The following CASP5 variants were observed in gnomAD, a reference collection of about 807,000 sequenced individuals.
CASP5 encodes the protein caspase 5.
CASP5 carries 42 observed loss-of-function variants against 45.2 expected under a neutral mutation model. The ratio of observed to expected loss-of-function variants is 0.93; its 90% confidence interval spans 0.73 to 1.20. The LOEUF is 1.20. Among genes scored for constraint, CASP5 ranks in the 50% most tolerant of loss-of-function variants. The pLI, the probability that CASP5 is intolerant of heterozygous loss-of-function variation, is 0.00. For missense variants in CASP5, 512 were observed against 532.2 expected (o/e 0.96, Z 0.37); for synonymous variants, 209 against 186.2 (o/e 1.12, Z -1.00).
At position 105,000,454 on chromosome 11, in the gene CASP5, C is replaced by T; in HGVS notation, c.759G>A (p.Glu253=). Residue 253 remains glutamate (E), a synonymous_variant, in exon 6 of 10, where the codon GAG becomes GAA. Transcript: ENST00000260315. ...SVLRAFAARP[E]HKSSDSTFLV... Reference sequence around the variant, plus strand: ...AGAACGTGCTGTCAGAGGACTTGTGCTCTGGTCTGGCAGCAAATGCCCTCA... The same window carrying T: ...AGAACGTGCTGTCAGAGGACTTGTGTTCTGGTCTGGCAGCAAATGCCCTCA... 1.2e-6 allele frequency: 2 copies of T among 1,614,162 alleles called. No homozygotes were observed. The highest frequency in any genetic ancestry group is 1.7e-6 in the Non-Finnish European group (2 of 1,180,020).
chr11:105,000,556 G>T (rs1027696867), intron 5 of CASP5, 61 bp from the exon 6 acceptor site: 34 of 1,453,410 alleles, frequency 2.3e-5, no homozygotes, highest in Non-Finnish European at 7.7e-6. Flanking sequence ...GGACCTCCTA[G>T]ATTTACCATG....
In CASP5 at chr11:105,000,491, A is replaced by G. The variant is rs1441661501; in HGVS notation, c.722T>C (p.Met241Thr). The G allele has an allele frequency of 1.9e-6, 3 of 1,613,948 alleles. No individual in the cohort carries two copies. In the South Asian group the frequency reaches 3.3e-5, roughly 18 times the overall value. The part of the protein sequence containing the change: ...VDEKNLTARD[M>T]ESVLRAFAAR... ...AGCAAATGCCCTCAGCACTGACTCC[A>G]TATCCTATAAAAGAGCAATGTCTAA... The change falls in exon 6 of 10, where the codon ATG (methionine) becomes ACG (threonine). Residue 241 changes from methionine to threonine, a missense_variant. Physicochemically the swap from Met to Thr is moderately conservative, Grantham distance 81. Transcript: ENST00000260315.
chr11:105,021,674 G>T (rs2134776588), intron 1 of CASP5, among the ~76,000 whole-genome samples: 1 of 147,656 alleles, frequency 6.8e-6, no homozygotes, highest in East Asian at 1.9e-4. Context: ...GTGCTGGAGA[G>T]GATGTGGAAA....
rs541362037 is a variant in CASP5 at position 105,007,183 on chromosome 11, C to T, written c.333G>A (p.Lys111=). 1 of 1,613,838 alleles carries T rather than the reference C, an allele frequency of 6.2e-7. No individual in the cohort carries two copies. The highest frequency in any genetic ancestry group is 2.2e-5 in the East Asian group (1 of 44,868). Residue 111 remains lysine, a synonymous_variant, in exon 3 of 10, where the codon AAG becomes AAA. Coordinates refer to ENST00000260315, the MANE Select transcript of CASP5 (RefSeq NM_004347.5). ...GCAAAGAGTCTACCAAGATCAGGGC[C>T]TTGTCTTCAATTTTGGTATCATAAT... ...KKYYDTKIED[K]ALILVDSLRK...
intron 1 of CASP5, among the ~76,000 whole-genome samples, chr11:105,009,716 C>CACATATATATATATATATATATAT (rs1565387557): frequency 2.1e-5 from 1 of 48,078 alleles, no homozygotes; most frequent in African/African-American, 1.1e-4. Flanking sequence ...TATATATATA[C>CACATATATATATATATATATATAT]ACACATATAT....
At chr11:105,009,756 TATACACACAC>T (rs1862198247) in intron 1 of CASP5, among the ~76,000 whole-genome samples, 1 of 93,250 alleles carries the variant, frequency 1.1e-5, no homozygotes, top group African/African-American at 4.3e-5. Context: ...TATATATATA[TATACACACAC>T]ACACGTATAT....
In CASP5 at chr11:105,002,123, C is replaced by T. The variant is rs766335133; in HGVS notation, c.622G>A (p.Ala208Thr). ...ICNTKFDHLP[A>T]RNGAHYDIVG... Reference sequence around the variant, plus strand: ...ATGTCATAGTGAGCCCCATTCCTTGCAGGCAGGTGATCAAACTTTGTATTG... The same window carrying T: ...ATGTCATAGTGAGCCCCATTCCTTGTAGGCAGGTGATCAAACTTTGTATTG... Residue 208 changes from alanine to threonine, a missense_variant, in exon 5 of 10, where the codon GCA becomes ACA. Transcript: ENST00000260315. 2.5e-6 allele frequency: 4 copies of T among 1,614,108 alleles called. No individual in the cohort carries two copies. The South Asian group carries it at 3.3e-5, about 13-fold the overall frequency.
intron 7 of CASP5, 118 bp downstream of exon 7, chr11:104,998,763 TATAG>T: frequency 1.1e-6 from 1 of 926,534 alleles, no homozygotes; most frequent in Non-Finnish European, 1.6e-6. Context: ...ATGCAAAATA[TATAG>T]AGAGCACACA....
At chr11:105,007,409 T>G in intron 2 of CASP5, 75 bp from the exon 3 acceptor site, 1 of 1,364,160 alleles carries the variant, frequency 7.3e-7, no homozygotes, top group South Asian at 1.4e-5. Flanking sequence ...GACATAACTC[T>G]GTAATATGAA....
At chr11:104,998,301 A>G (rs1213081100) in intron 7 of CASP5, among the ~76,000 whole-genome samples, 1 of 152,190 alleles carries the variant, frequency 6.6e-6, no homozygotes, top group Non-Finnish European at 1.5e-5. Flanking sequence ...TACAACTTGG[A>G]AAGAGTAAAA....
intron 1 of CASP5, among the ~76,000 whole-genome samples, chr11:105,021,399 C>T (rs896044424): frequency 1.4e-5 from 2 of 147,284 alleles, no homozygotes; most frequent in African/African-American, 4.9e-5. Context: ...AAAATTTTCG[C>T]AACCTACTCG....
At chr11:105,009,758 T>TATACACAC in intron 1 of CASP5, among the ~76,000 whole-genome samples, 1 of 90,276 alleles carries the variant, frequency 1.1e-5, no homozygotes, top group African/African-American at 4.3e-5. Flanking sequence ...TATATATATA[T>TATACACAC]ACACACACAC....
rs1369926053 is a variant in CASP5, at chr11:105,003,389, G to A, written c.434-6C>T. 2.7e-6 allele frequency: 4 copies of A among 1,499,562 alleles called. No homozygotes were observed. The highest frequency in any genetic ancestry group is 4.6e-5 in the East Asian group (2 of 43,230). The allele number at this position is 1,499,562 out of a possible 1,614,324, so 92.9% of individuals were successfully genotyped here. On this transcript the variant is annotated splice_region_variant and splice_polypyrimidine_tract_variant and intron_variant, in intron 3 of 9. Transcript: ENST00000260315. ...AGCCTCGATTTGCAGAAGAGCTGTG[G>A]GATATCACAAAATATAAATTATGGT...
At chr11:105,007,422 T>A in intron 2 of CASP5, 88 bp from the exon 3 acceptor site, 1 of 1,253,464 alleles carries the variant, frequency 8.0e-7, no homozygotes. Flanking sequence ...AATATGAAAC[T>A]CCTCTAAAAA....
rs11226587 is a variant in CASP5, at chr11:105,015,424, C to T, written c.8-6444G>A. ...ATTGAAGATGCAGTGATAATAAAAA[C>T]GAATGGAATAATTTAGAGGCCAAAT... On this transcript the variant is annotated intron_variant, in intron 1 of 9. Transcript: ENST00000260315. Among the ~76,000 whole-genome samples the T allele has an allele frequency of 4.9e-3, 752 of 152,214 alleles. 8 individuals carry two copies. The highest frequency in any genetic ancestry group is 0.017 in the African/African-American group (708 of 41,530).
At chr11:105,004,242 G>A (rs45626131) in intron 3 of CASP5, among the ~76,000 whole-genome samples, 4,360 of 152,208 alleles carry the variant, frequency 0.029, 87 homozygotes, top group South Asian at 0.049. Context: ...AGATTCTGAC[G>A]TAACTCTGAA....
intron 9 of CASP5, among the ~76,000 whole-genome samples, chr11:104,994,588 A>G (rs1171190524): frequency 6.6e-6 from 1 of 152,232 alleles, no homozygotes; most frequent in Non-Finnish European, 1.5e-5. Flanking sequence ...CTACTCAGAT[A>G]ATATTTTTTT....
chr11:104,999,864 G>C (rs1246624595), intron 6 of CASP5, among the ~76,000 whole-genome samples: 1 of 152,068 alleles, frequency 6.6e-6, no homozygotes, highest in South Asian at 2.1e-4. Flanking sequence ...GAATAAATAG[G>C]GTGCTTGTAT....
At chr11:105,021,056 G>A (rs987826988) in intron 1 of CASP5, among the ~76,000 whole-genome samples, 28 of 151,992 alleles carry the variant, frequency 1.8e-4, no homozygotes, top group Non-Finnish European at 2.8e-4. Context: ...CAAGCAATGC[G>A]GAAAGGATTC....
Sources: gnomAD v4.1 joint callset for allele counts (sites outside exome capture counted in the v4.1 genomes callset) on GRCh38, gnomAD v4.1.1 for gene constraint, MANE v1.5 for transcripts, NCBI Gene and HGNC (gene_info 2026-07-23, HGNC 2026-07-21) for gene names.